The following LRRC37A2 variants were observed in gnomAD, a reference collection of about 807,000 sequenced individuals.
LRRC37A2 encodes the protein leucine-rich repeat-containing protein 37A2.
LRRC37A2 carries 9 observed loss-of-function variants against 68.8 expected under a neutral mutation model. The ratio of observed to expected loss-of-function variants is 0.13; its 90% CI spans 0.08 to 0.23. LRRC37A2 has a LOEUF of 0.23. Ranked by LOEUF, LRRC37A2 falls within the 10% of genes least tolerant of loss-of-function variation. LRRC37A2 has a pLI of 1.00. For synonymous variants in LRRC37A2, 63 were observed against 367.6 expected (o/e 0.17, Z 9.48); for missense variants, 168 against 950.4 (o/e 0.18, Z 10.82).
At chr17:46,747,412 C>G in the LRRC37A2 span, among the ~76,000 whole-genome samples, 2 of 152,068 alleles carry the variant, frequency 1.3e-5, no homozygotes, top group African/African-American at 4.8e-5. Context: ...TCCCAGGTAC[C>G]TGGGACGACA....
At chr17:46,915,189 C>T in the LRRC37A2 span, among the ~76,000 whole-genome samples, 7 of 152,200 alleles carry the variant, frequency 4.6e-5, no homozygotes, top group Non-Finnish European at 7.3e-5. Flanking sequence ...ATTCAGCTGA[C>T]AGATAGACAC....
the LRRC37A2 span, chr17:46,830,642 A>T: frequency 2.5e-6 from 1 of 398,648 alleles, no homozygotes; most frequent in Non-Finnish European, 4.4e-6. Flanking sequence ...ATTTAAGAAA[A>T]TCTGAAATGA....
At chr17:46,788,863 C>T in the LRRC37A2 span, among the ~76,000 whole-genome samples, 1 of 152,214 alleles carries the variant, frequency 6.6e-6, no homozygotes, top group South Asian at 2.1e-4. Flanking sequence ...GAGCTGAGGG[C>T]AGGTGATGGC....
the LRRC37A2 span, among the ~76,000 whole-genome samples, chr17:47,003,500 G>A: frequency 6.6e-6 from 1 of 152,250 alleles, no homozygotes; most frequent in Non-Finnish European, 1.5e-5. Flanking sequence ...CCATGCAGGA[G>A]GGTACAGTGC....
At chr17:46,807,601 C>T in the LRRC37A2 span, among the ~76,000 whole-genome samples, 2 of 152,170 alleles carry the variant, frequency 1.3e-5, no homozygotes, top group East Asian at 1.9e-4. Flanking sequence ...CTTTTTAATT[C>T]GCATGTGCCT....
the LRRC37A2 span, among the ~76,000 whole-genome samples, chr17:46,758,361 T>A: frequency 6.6e-6 from 1 of 152,214 alleles, no homozygotes; most frequent in Non-Finnish European, 1.5e-5. Context: ...GGTCCCTGCA[T>A]AGCCTTGAGA....
chr17:46,718,790 A>G, the LRRC37A2 span, among the ~76,000 whole-genome samples: 2 of 152,208 alleles, frequency 1.3e-5, no homozygotes, highest in Non-Finnish European at 1.5e-5. Flanking sequence ...TAATTTCTGT[A>G]AAGTGTCACA....
chr17:46,901,376 G>A, the LRRC37A2 span, among the ~76,000 whole-genome samples: 3 of 152,052 alleles, frequency 2.0e-5, no homozygotes, highest in Admixed American at 1.3e-4. Flanking sequence ...TGGCCAGGCC[G>A]GTCTTTAACT....
chr17:46,898,573 GA>G, the LRRC37A2 span, among the ~76,000 whole-genome samples: 1 of 152,206 alleles, frequency 6.6e-6, no homozygotes, highest in African/African-American at 2.4e-5. Context: ...CTTGGGAATG[GA>G]GGAGCATTAG....
chr17:46,498,872 T>TGTAGATATACGTATATATATCTAC, the LRRC37A2 span, among the ~76,000 whole-genome samples: 1 of 150,824 alleles, frequency 6.6e-6, no homozygotes, highest in East Asian at 1.9e-4. Context: ...TTTCAATGTA[T>TGTAGATATACGTATATATATCTAC]GTAGATATAC....
the LRRC37A2 span, chr17:46,941,034 A>C: frequency 9.2e-7 from 1 of 1,092,444 alleles, no homozygotes; most frequent in Non-Finnish European, 1.1e-6. Flanking sequence ...TCTTAGGTCG[A>C]GCTGATGCAA....
the LRRC37A2 span, among the ~76,000 whole-genome samples, chr17:46,907,751 G>T: frequency 6.6e-6 from 1 of 151,604 alleles, no homozygotes; most frequent in Non-Finnish European, 1.5e-5. Flanking sequence ...ACTCAGCGGG[G>T]GGGGTGAGGC....
At chr17:46,499,269 A>G in the LRRC37A2 span, among the ~76,000 whole-genome samples, 3 of 116,650 alleles carry the variant, frequency 2.6e-5, no homozygotes, top group Non-Finnish European at 4.8e-5. Context: ...CCAAGATTGC[A>G]CCACTGCACT....
chr17:46,881,306 C>T, the LRRC37A2 span, among the ~76,000 whole-genome samples: 1 of 152,288 alleles, frequency 6.6e-6, no homozygotes, highest in African/African-American at 2.4e-5. Flanking sequence ...TCCTAACATG[C>T]TCCTTCTACC....
the LRRC37A2 span, among the ~76,000 whole-genome samples, chr17:46,903,428 G>GA: frequency 2.0e-5 from 3 of 152,094 alleles, no homozygotes; most frequent in Admixed American, 6.5e-5. Context: ...CAGAAAAACA[G>GA]AAAAAATCTG....
the LRRC37A2 span, chr17:46,930,637 C>T: frequency 6.5e-6 from 1 of 153,926 alleles, no homozygotes; most frequent in Non-Finnish European, 1.3e-5. Flanking sequence ...TACTAATCTT[C>T]CCCTTCCTTT....
At chr17:46,979,998 A>G in the LRRC37A2 span, among the ~76,000 whole-genome samples, 1 of 152,088 alleles carries the variant, frequency 6.6e-6, no homozygotes, top group East Asian at 1.9e-4. Context: ...CTGCCTCCCA[A>G]CCTTTCCTCA....
At chr17:46,981,876 AT>A in the LRRC37A2 span, among the ~76,000 whole-genome samples, 1 of 151,848 alleles carries the variant, frequency 6.6e-6, no homozygotes, top group African/African-American at 2.4e-5. Context: ...TTTTTATTTT[AT>A]TTTTTGTTCA....
the LRRC37A2 span, among the ~76,000 whole-genome samples, chr17:46,834,335 G>A: frequency 6.6e-6 from 1 of 152,196 alleles, no homozygotes; most frequent in Non-Finnish European, 1.5e-5. Context: ...GCCTGGGTCT[G>A]ATCGCAGGAG....
Sources: gnomAD v4.1 joint callset for allele counts (sites outside exome capture counted in the v4.1 genomes callset) on GRCh38, gnomAD v4.1.1 for gene constraint, MANE v1.5 for transcripts, NCBI Gene and HGNC (gene_info 2026-07-23, HGNC 2026-07-21) for gene names.